The following FRRS1L variants were observed in gnomAD, a reference collection of about 807,000 sequenced individuals.
FRRS1L encodes DOMON domain-containing protein FRRS1L.
A neutral mutation model predicts 28.6 loss-of-function variants in FRRS1L; 22 were observed. The ratio of observed to expected loss-of-function variants is 0.77; its 90% CI spans 0.55 to 1.10. The LOEUF (loss-of-function observed/expected upper bound fraction) is 1.10, where lower values mean the gene tolerates loss of function less well. Ranked by LOEUF, FRRS1L falls within the 50% of genes least tolerant of loss-of-function variation. The probability of loss-of-function intolerance (pLI) is 0.00; values close to 1 mark genes in which losing one functional copy is unlikely to be tolerated. For synonymous variants in FRRS1L, 158 were observed against 151.4 expected, an observed-to-expected ratio of 1.04 and a Z score of -0.32; for missense variants, 380 against 386.9, an observed-to-expected ratio of 0.98 and a Z score of 0.15.
intron 1 of FRRS1L, among the ~76,000 whole-genome samples, chr9:109,157,515 C>G (rs924738612): frequency 1.3e-5 from 2 of 152,090 alleles, no homozygotes; most frequent in Non-Finnish European, 2.9e-5. Context: ...GCACCCTGAG[C>G]AGCTGGGACC....
At chr9:109,161,276 T>C (rs1831477329) in intron 1 of FRRS1L, among the ~76,000 whole-genome samples, 1 of 152,210 alleles carries the variant, frequency 6.6e-6, no homozygotes, top group Non-Finnish European at 1.5e-5. Flanking sequence ...TTTTGGCTTG[T>C]TCCTTTCTCT....
intron 4 of FRRS1L, 131 bp downstream of exon 4, chr9:109,141,212 G>T: frequency 2.2e-6 from 2 of 926,044 alleles, no homozygotes; most frequent in Non-Finnish European, 1.6e-6. Context: ...GGTAGGAGTC[G>T]CATCTCCTTT....
At chr9:109,161,601 T>C (rs2118511961) in intron 1 of FRRS1L, among the ~76,000 whole-genome samples, 1 of 152,354 alleles carries the variant, frequency 6.6e-6, no homozygotes, top group South Asian at 2.1e-4. Context: ...GTTTCCATTC[T>C]TGTCTAATTC....
At chr9:109,149,610 GT>G (rs759488521) in intron 2 of FRRS1L, 25 bp downstream of exon 2, 2 of 1,503,066 alleles carry the variant, frequency 1.3e-6, no homozygotes, top group South Asian at 1.1e-5. Context: ...TAGCCTTAAA[GT>G]TATCCAACCT....
At chr9:109,149,879 G>T (rs931650578) in intron 1 of FRRS1L, 159 bp from the exon 2 acceptor site, 4 of 617,498 alleles carry the variant, frequency 6.5e-6, no homozygotes, top group Non-Finnish European at 1.2e-5. Context: ...CTTCATGGGG[G>T]AGGGTGTAGG....
rs1831087601 is a variant in FRRS1L at position 109,134,267 on chromosome 9, A to G, written c.*3188T>C. ...TAAATATCTGCTACAATGATGAGTA[A>G]TGGTCTCTGCATTAGGGAGATAACA... On this transcript the variant is annotated 3_prime_UTR_variant, in exon 5 of 5. Coordinates refer to ENST00000561981, the MANE Select transcript of FRRS1L (RefSeq NM_014334.4). 6.6e-6 allele frequency: 1 copy of G among 152,200 alleles called. No homozygotes were observed. 9.4% of individuals were successfully genotyped at this position (152,200 alleles called of 1,614,324 possible). A position where few individuals can be genotyped will look rare whatever the true frequency, so the allele number is the denominator to read the frequency against.
In FRRS1L at chr9:109,132,608, C is replaced by T. The variant is rs916902090; in HGVS notation, c.*4847G>A. The T allele has an allele frequency of 1.3e-5, 2 of 152,082 alleles. No homozygotes were observed. Among genetic ancestry groups the T allele is most frequent in the Non-Finnish European group, 2.9e-5 (2 of 68,022 alleles). The allele number at this position is 152,082 out of a possible 1,614,324, so 9.4% of individuals were successfully genotyped here. A position where few individuals can be genotyped will look rare whatever the true frequency, so the allele number is the denominator to read the frequency against. ...ACTGGCAGTATCCTTTACAACTAAT[C>T]ATGATATATTGGTGTGTCCCTATCT... On this transcript the variant is annotated 3_prime_UTR_variant, in exon 5 of 5. Transcript: ENST00000561981.
rs1831056888 is a variant in FRRS1L at position 109,131,568 on chromosome 9, T to G, written c.*5887A>C. ...TGCTCCTCAAGTTACAAGAGGGTTA[T>G]GTCTCAGTAAACCCATCAATTGTAA... On this transcript the variant is annotated 3_prime_UTR_variant, in exon 5 of 5. Transcript: ENST00000561981. 6.6e-6 allele frequency: 1 copy of G among 152,260 alleles called. No individual in the cohort carries two copies. The highest frequency in any genetic ancestry group is 2.1e-4 in the South Asian group (1 of 4,834). 9.4% of individuals were successfully genotyped at this position (152,260 alleles called of 1,614,324 possible).
At chr9:109,143,767 G>A (rs1831219731) in intron 3 of FRRS1L, among the ~76,000 whole-genome samples, 1 of 151,788 alleles carries the variant, frequency 6.6e-6, no homozygotes, top group Admixed American at 6.6e-5. Context: ...CGCCTGCCTC[G>A]GCCTCCCAAA....
At chr9:109,139,463 T>A (rs1380750958) in intron 4 of FRRS1L, 1 of 152,346 alleles carries the variant, frequency 6.6e-6, no homozygotes, top group East Asian at 1.9e-4. Flanking sequence ...AATACTTGTT[T>A]TCACTTAATC....
chr9:109,160,769 G>A (rs147540625), intron 1 of FRRS1L, among the ~76,000 whole-genome samples: 1,875 of 147,854 alleles, frequency 0.013, 13 homozygotes, highest in Middle Eastern at 0.036. Context: ...CTGCCCTGCC[G>A]CCATCTTTCT....
Position 109,167,073 on chromosome 9 carries a change from C to A in FRRS1L, c.66G>T (p.Gly22=), listed in dbSNP as rs1397352814. 3 of 1,179,446 alleles carry A rather than the reference C, an allele frequency of 2.5e-6. No homozygotes were observed. The highest frequency in any genetic ancestry group is 7.6e-5 in the South Asian group (2 of 26,372). The allele number at this position is 1,179,446 out of a possible 1,614,324, so 73.1% of individuals were successfully genotyped here. A position where few individuals can be genotyped will look rare whatever the true frequency, so the allele number is the denominator to read the frequency against. The change falls in exon 1 of 5, where the codon GGG becomes GGT. Residue 22 remains glycine (G), a synonymous_variant. Coordinates refer to ENST00000561981, the MANE Select transcript of FRRS1L (RefSeq NM_014334.4). ...WASLLLLLLT[G]PAACAASPAD... The stretch of plus-strand genomic sequence containing the variant: ...CGGGGCTGGCTGCGCAGGCGGCGGG[C>A]CCCGTCAGTAGCAGCAGGAGCAGCG...
chr9:109,153,783 C>T (rs1400663589), intron 1 of FRRS1L, among the ~76,000 whole-genome samples: 1 of 152,112 alleles, frequency 6.6e-6, no homozygotes, highest in Non-Finnish European at 1.5e-5. Flanking sequence ...GGAGTTGATA[C>T]TGGAATATAA....
chr9:109,149,978 G>A (rs1249912854), intron 1 of FRRS1L: 11 of 384,984 alleles, frequency 2.9e-5, no homozygotes, highest in Non-Finnish European at 4.7e-5. Context: ...GGGGCACTGA[G>A]AGAGGCACAA....
In FRRS1L at chr9:109,131,570, T is replaced by C. The variant is rs1831056914; in HGVS notation, c.*5885A>G. The C allele has an allele frequency of 6.6e-6, 1 of 152,238 alleles. No homozygotes were observed. Among genetic ancestry groups the C allele is most frequent in the African/African-American group, 2.4e-5 (1 of 41,454 alleles). The allele number at this position is 152,238 out of a possible 1,614,324, so 9.4% of individuals were successfully genotyped here. A position where few individuals can be genotyped will look rare whatever the true frequency, so the allele number is the denominator to read the frequency against. On this transcript the variant is annotated 3_prime_UTR_variant, in exon 5 of 5. Transcript: ENST00000561981. ...CTCCTCAAGTTACAAGAGGGTTATG[T>C]CTCAGTAAACCCATCAATTGTAAGT...
chr9:109,166,281 C>A (rs1831547648), intron 1 of FRRS1L, among the ~76,000 whole-genome samples: 1 of 152,148 alleles, frequency 6.6e-6, no homozygotes, highest in Non-Finnish European at 1.5e-5. Flanking sequence ...GCGGGCCCAG[C>A]AGGCCACAAC....
chr9:109,161,719 G>A (rs1460206360), intron 1 of FRRS1L, among the ~76,000 whole-genome samples: 1 of 152,058 alleles, frequency 6.6e-6, no homozygotes, highest in Non-Finnish European at 1.5e-5. Flanking sequence ...TTGGCTCACA[G>A]CCTTTAGCTA....
At chr9:109,163,635 T>G (rs1476907450) in intron 1 of FRRS1L, among the ~76,000 whole-genome samples, 1 of 152,114 alleles carries the variant, frequency 6.6e-6, no homozygotes, top group African/African-American at 2.4e-5. Flanking sequence ...GTCAGTAGGC[T>G]CTCTCTCAGT....
intron 1 of FRRS1L, among the ~76,000 whole-genome samples, chr9:109,159,641 G>C (rs1259412088): frequency 6.6e-6 from 1 of 152,178 alleles, no homozygotes; most frequent in African/African-American, 2.4e-5. Context: ...CTGGGTGACA[G>C]AGCGAGACTC....
Sources: gnomAD v4.1 joint callset for allele counts (sites outside exome capture counted in the v4.1 genomes callset) on GRCh38, gnomAD v4.1.1 for gene constraint, MANE v1.5 for transcripts, NCBI Gene and HGNC (gene_info 2026-07-23, HGNC 2026-07-21) for gene names.